PAPOLA: variants seen among roughly 807,000 people sequenced by gnomAD.
The protein encoded by PAPOLA is polynucleotide adenylyltransferase alpha.
In PAPOLA, 15 loss-of-function variants were observed where a neutral mutation model predicts 100.6. The ratio of observed to expected loss-of-function variants is 0.15; its 90% CI spans 0.10 to 0.23. The LOEUF (loss-of-function observed/expected upper bound fraction) is 0.23, where lower values mean the gene tolerates loss of function less well. Ranked by LOEUF, PAPOLA falls within the 10% of genes least tolerant of loss-of-function variation. PAPOLA has a pLI of 1.00. For synonymous variants in PAPOLA, 293 were observed against 300.0 expected, an observed-to-expected ratio of 0.98 and a Z score of 0.24; for missense variants, 533 against 884.2, an observed-to-expected ratio of 0.60 and a Z score of 5.04.
At chr14:96,502,828 C>G in intron 1 of PAPOLA, 2 of 449,948 alleles carry the variant, frequency 4.4e-6, no homozygotes, top group Non-Finnish European at 7.7e-6. Flanking sequence ...GGTCAGCTGC[C>G]GTCGGGCCGG....
At position 96,535,956 on chromosome 14, in the gene PAPOLA, G is replaced by A; in HGVS notation, c.987G>A (p.Val329=). Residue 329 remains valine, a synonymous_variant, in exon 11 of 22, where the codon GTG becomes GTA. Transcript: ENST00000216277. ...AYPQQNSTYN[V]SVSTRMVMVE... The stretch of plus-strand genomic sequence containing the variant: ...CACAACAGAACTCCACGTACAATGT[G>A]TCCGTTTCAACACGGATGGTCATGG... The A allele has an allele frequency of 1.2e-6, 2 of 1,607,478 alleles. No homozygotes were observed. The highest frequency in any genetic ancestry group is 2.2e-5 in the South Asian group (2 of 89,744).
chr14:96,508,627 A>G (rs1017718109), intron 1 of PAPOLA, among the ~76,000 whole-genome samples: 4 of 152,246 alleles, frequency 2.6e-5, no homozygotes, highest in Non-Finnish European at 5.9e-5. Flanking sequence ...ACTTTAGGTT[A>G]ACATTACAAT....
At chr14:96,514,122 A>G (rs1897277155) in intron 1 of PAPOLA, among the ~76,000 whole-genome samples, 1 of 151,810 alleles carries the variant, frequency 6.6e-6, no homozygotes, top group African/African-American at 2.4e-5. Context: ...ATTTGAATGT[A>G]TGACCATTAA....
intron 4 of PAPOLA, chr14:96,527,133 G>T (rs1898559613): frequency 2.9e-6 from 1 of 350,204 alleles, no homozygotes. Context: ...AAGATGTTGG[G>T]TGTATGTTTG....
intron 9 of PAPOLA, chr14:96,533,032 TG>T (rs1205392524): frequency 3.3e-5 from 32 of 981,100 alleles, no homozygotes; most frequent in South Asian, 1.4e-4. Context: ...TTCTTGTGAT[TG>T]TTTTTTTTTT....
At chr14:96,563,491 A>T (rs1222932266) in intron 21 of PAPOLA, among the ~76,000 whole-genome samples, 1 of 152,154 alleles carries the variant, frequency 6.6e-6, no homozygotes, top group Non-Finnish European at 1.5e-5. Context: ...ATCCTTTCAC[A>T]TGAATGAACC....
chr14:96,541,121 C>T (rs2140301556), intron 12 of PAPOLA, among the ~76,000 whole-genome samples: 1 of 152,280 alleles, frequency 6.6e-6, no homozygotes, highest in Non-Finnish European at 1.5e-5. Context: ...ATCTCCTGAC[C>T]TTGTGATCCG....
intron 1 of PAPOLA, among the ~76,000 whole-genome samples, chr14:96,514,639 A>G (rs34456516): frequency 0.013 from 2,010 of 152,324 alleles, 31 homozygotes; most frequent in Non-Finnish European, 0.02. Flanking sequence ...CTAAGTTCCT[A>G]AATATTTATC....
Position 96,544,397 on chromosome 14 carries a change from A to T in PAPOLA, c.1399+139A>T, listed in dbSNP as rs1453711469. On this transcript the variant is annotated intron_variant, in intron 15 of 21. Transcript: ENST00000216277. ...ACTATCATCAGAATAATGGTTTTGT[A>T]TTAGTCTAATACAGATTGAGTATTC... The T allele has an allele frequency of 1.2e-5, 7 of 592,838 alleles. No individual in the cohort carries two copies. The Admixed American group carries it at 1.9e-4, about 16-fold the overall frequency. The allele number at this position is 592,838 out of a possible 1,614,324, so 36.7% of individuals were successfully genotyped here.
At chr14:96,515,969 A>C (rs949000544) in intron 1 of PAPOLA, among the ~76,000 whole-genome samples, 2 of 152,204 alleles carry the variant, frequency 1.3e-5, no homozygotes, top group Non-Finnish European at 2.9e-5. Context: ...GTGTCAGTGC[A>C]TATGTAAGGC....
chr14:96,545,216 A>T (rs892704569), intron 15 of PAPOLA, among the ~76,000 whole-genome samples: 1 of 152,110 alleles, frequency 6.6e-6, no homozygotes, highest in African/African-American at 2.4e-5. Flanking sequence ...AGTTAGTGCC[A>T]GTTTGTTAAA....
intron 20 of PAPOLA, among the ~76,000 whole-genome samples, chr14:96,562,261 G>A (rs1324544948): frequency 6.6e-6 from 1 of 152,026 alleles, no homozygotes; most frequent in Non-Finnish European, 1.5e-5. Flanking sequence ...AAAGTTTAGA[G>A]TGATGGCATG....
intron 12 of PAPOLA, among the ~76,000 whole-genome samples, chr14:96,540,769 C>T (rs1471292038): frequency 6.6e-6 from 1 of 152,130 alleles, no homozygotes; most frequent in Non-Finnish European, 1.5e-5. Context: ...CAAGTTAACT[C>T]CATTGAACTT....
chr14:96,522,077 A>C (rs1220026404), intron 3 of PAPOLA, among the ~76,000 whole-genome samples: 1 of 139,648 alleles, frequency 7.2e-6, no homozygotes, highest in Non-Finnish European at 1.5e-5. Context: ...GCTTGGGATT[A>C]TAGGCATGAG....
At chr14:96,553,463 A>C (rs1901019182) in intron 17 of PAPOLA, 1 of 151,390 alleles carries the variant, frequency 6.6e-6, no homozygotes, top group South Asian at 2.1e-4. Flanking sequence ...GTGAGCTGTG[A>C]TCCCACTGCT....
intron 21 of PAPOLA, among the ~76,000 whole-genome samples, chr14:96,564,724 A>G (rs925248058): frequency 6.6e-6 from 1 of 152,120 alleles, no homozygotes; most frequent in African/African-American, 2.4e-5. Flanking sequence ...GAGTTTTTAA[A>G]ATATTATTAA....
rs1489010649 is a variant in PAPOLA, at chr14:96,524,094, CCTTTTT to C, written c.250-1209_250-1204del. On this transcript the variant is annotated intron_variant, in intron 3 of 21. Coordinates refer to ENST00000216277, the MANE Select transcript of PAPOLA (RefSeq NM_032632.5). ...TATGAAATAACACTTCATTTTATGT[CCTTTTT>C]CTTTTTTTTGAGAGGAAGGGGGGTG... Among the ~76,000 whole-genome samples, 5 of 151,812 alleles carry C rather than the reference CCTTTTT, an allele frequency of 3.3e-5. No individual in the cohort carries two copies. In the South Asian group the frequency reaches 6.2e-4, roughly 19 times the overall value.
intron 6 of PAPOLA, among the ~76,000 whole-genome samples, chr14:96,529,393 A>G (rs553061152): frequency 4.2e-4 from 64 of 151,910 alleles, no homozygotes; most frequent in African/African-American, 1.3e-3. Context: ...TTTAAATGAT[A>G]TTTTAAAATG....
At chr14:96,510,480 C>T (rs1352083065) in intron 1 of PAPOLA, among the ~76,000 whole-genome samples, 2 of 151,344 alleles carry the variant, frequency 1.3e-5, no homozygotes, top group Admixed American at 6.6e-5. Context: ...AACACACACG[C>T]GCGCGTGCGC....
Sources: allele counts gnomAD v4.1 joint callset (sites outside exome capture counted in the v4.1 genomes callset), GRCh38; gene constraint gnomAD v4.1.1; transcripts MANE v1.5; gene names NCBI Gene and HGNC (gene_info 2026-07-23, HGNC 2026-07-21).